MTTP: variants seen among roughly 807,000 people sequenced by gnomAD.
MTTP encodes microsomal triglyceride transfer protein large subunit.
MTTP carries 49 observed loss-of-function variants against 90.6 expected under a neutral mutation model. The observed-to-expected ratio is 0.54, with a 90% CI of 0.43 to 0.69. The LOEUF (loss-of-function observed/expected upper bound fraction) is 0.69, where lower values mean the gene tolerates loss of function less well. Ranked by LOEUF, MTTP falls within the 30% of genes least tolerant of loss-of-function variation. MTTP has a pLI of 0.00. For missense variants in MTTP, 945 were observed against 1,067.5 expected (o/e 0.89, Z 1.60); for synonymous variants, 347 against 384.2 (o/e 0.90, Z 1.13).
upstream of MTTP, among the ~76,000 whole-genome samples, chr4:99,572,112 G>A (rs1267547613): frequency 6.6e-6 from 1 of 151,602 alleles, no homozygotes; most frequent in East Asian, 1.9e-4. Flanking sequence ...AAACACAACT[G>A]TACTTTGGAA....
At chr4:99,577,622 AG>A (rs1175539580) in intron 1 of MTTP, among the ~76,000 whole-genome samples, 3,393 of 129,490 alleles carry the variant, frequency 0.026, 174 homozygotes, top group African/African-American at 0.091. Flanking sequence ...AAAAAAAAAA[AG>A]AAAGAAAAGA....
intron 1 of MTTP, among the ~76,000 whole-genome samples, chr4:99,576,862 A>G (rs185765299): frequency 6.6e-6 from 1 of 152,298 alleles, no homozygotes; most frequent in East Asian, 1.9e-4. Context: ...TGAAACATAT[A>G]TAATTTAGGG....
intron 12 of MTTP, 75 bp from the exon 13 acceptor site, chr4:99,611,068 T>C (rs1725937191): frequency 1.1e-5 from 17 of 1,521,032 alleles, no homozygotes; most frequent in Non-Finnish European, 1.4e-5. Context: ...ACTGAGGATT[T>C]TTTTTTTCCA....
intron 3 of MTTP, among the ~76,000 whole-genome samples, chr4:99,586,354 T>C (rs1310081498): frequency 6.6e-6 from 1 of 152,140 alleles, no homozygotes; most frequent in Non-Finnish European, 1.5e-5. Context: ...TGGATTCTTT[T>C]TTAGGCCTGA....
chr4:99,566,312 AAAG>A (rs1253828686), intron 1 of MTTP, among the ~76,000 whole-genome samples: 6 of 151,774 alleles, frequency 4.0e-5, no homozygotes, highest in African/African-American at 9.7e-5. Context: ...AAAAAAAAAA[AAAG>A]AAAAATAGGT....
chr4:99,589,820 C>T (rs904536635), intron 4 of MTTP, 70 bp downstream of exon 4: 37 of 1,070,996 alleles, frequency 3.5e-5, no homozygotes, highest in Non-Finnish European at 5.3e-5. Context: ...TATACAATTT[C>T]AGTAGAAGAG....
At chr4:99,580,511 G>A (rs779645227) in intron 1 of MTTP, among the ~76,000 whole-genome samples, 1 of 137,572 alleles carries the variant, frequency 7.3e-6, no homozygotes, top group Non-Finnish European at 1.5e-5. Flanking sequence ...GGAGATGGAG[G>A]TTGCAGTGAA....
Position 99,575,104 on chromosome 4 carries a change from CTT to C in MTTP, c.61+136_61+137del, listed in dbSNP as rs3833621. 0.14 allele frequency: 145,203 copies of C among 1,049,342 alleles called. 11,271 individuals carry two copies. The highest frequency in any genetic ancestry group is 0.26 in the South Asian group (19,226 of 74,492). 65.0% of individuals were successfully genotyped at this position (1,049,342 alleles called of 1,614,324 possible). ...CTAAACTATCTTCAAAACCATGTAA[CTT>C]TGGAATGTTTGTGAAAGCATGGCTG... On this transcript the variant is annotated intron_variant, in intron 1 of 17. Coordinates refer to ENST00000265517, the MANE Select transcript of MTTP (RefSeq NM_001386140.1).
intron 9 of MTTP, among the ~76,000 whole-genome samples, chr4:99,601,380 G>T (rs554547365): frequency 2.8e-5 from 4 of 143,770 alleles, no homozygotes; most frequent in Non-Finnish European, 4.6e-5. Context: ...AATTTCCAGG[G>T]TTAAGAATTC....
rs1725809314 is a variant in MTTP, at chr4:99,606,015, A to G, written c.1345-733A>G. ...TTTCAGCCTAGACTCTGTCATACAA[A>G]GAATCTTTATTTTAAACATGAAACT... On this transcript the variant is annotated intron_variant, in intron 10 of 17. Transcript: ENST00000265517. 2.0e-5 allele frequency among the ~76,000 whole-genome samples: 3 copies of G among 152,240 alleles called. No homozygotes were observed. The South Asian group carries it at 6.2e-4, about 32-fold the overall frequency.
At chr4:99,577,716 C>A (rs1282441365) in intron 1 of MTTP, among the ~76,000 whole-genome samples, 3 of 151,646 alleles carry the variant, frequency 2.0e-5, no homozygotes, top group Non-Finnish European at 4.4e-5. Context: ...GATAAAAGAG[C>A]ACATCTATAT....
At chr4:99,567,357 A>G (rs1333564631) in intron 1 of MTTP, among the ~76,000 whole-genome samples, 3 of 152,190 alleles carry the variant, frequency 2.0e-5, no homozygotes, top group Non-Finnish European at 4.4e-5. Context: ...TAAAACCTCA[A>G]AATATGAACA....
intron 15 of MTTP, among the ~76,000 whole-genome samples, chr4:99,616,815 C>G (rs776361081): frequency 6.6e-6 from 1 of 152,130 alleles, no homozygotes; most frequent in Non-Finnish European, 1.5e-5. Flanking sequence ...ACCCACCTTG[C>G]AATGGAAATG....
At chr4:99,617,554 C>T (rs1355011562) in intron 15 of MTTP, among the ~76,000 whole-genome samples, 1 of 152,130 alleles carries the variant, frequency 6.6e-6, no homozygotes, top group African/African-American at 2.4e-5. Context: ...AGTTAGTCAT[C>T]CTGCCGGTTG....
intron 3 of MTTP, among the ~76,000 whole-genome samples, chr4:99,588,328 C>A (rs1725306672): frequency 6.6e-6 from 1 of 151,986 alleles, no homozygotes; most frequent in Non-Finnish European, 1.5e-5. Context: ...TATCATAGAC[C>A]TTGGGAATTT....
intron 14 of MTTP, among the ~76,000 whole-genome samples, chr4:99,612,576 T>C (rs2110232822): frequency 6.6e-6 from 1 of 152,254 alleles, no homozygotes; most frequent in Non-Finnish European, 1.5e-5. Context: ...CATCATAAAA[T>C]AGAAAGCTCA....
intron 1 of MTTP, among the ~76,000 whole-genome samples, chr4:99,580,574 CAAAAAA>C (rs563138284): frequency 2.4e-3 from 97 of 39,886 alleles, no homozygotes; most frequent in Admixed American, 8.0e-3. Flanking sequence ...GACTCTGTCT[CAAAAAA>C]AAAAAAAAAA....
At chr4:99,609,375 T>G (rs756473279) in intron 12 of MTTP, among the ~76,000 whole-genome samples, 18 of 152,202 alleles carry the variant, frequency 1.2e-4, no homozygotes, top group Admixed American at 6.5e-5. Context: ...TTATCACAGA[T>G]CAAATAAATT....
At chr4:99,601,215 G>A (rs755935028) in intron 9 of MTTP, among the ~76,000 whole-genome samples, 2 of 151,910 alleles carry the variant, frequency 1.3e-5, no homozygotes, top group Non-Finnish European at 2.9e-5. Context: ...CTATGATCTA[G>A]TGGAATAGTT....
Sources: gnomAD v4.1 joint callset for allele counts (sites outside exome capture counted in the v4.1 genomes callset) on GRCh38, gnomAD v4.1.1 for gene constraint, MANE v1.5 for transcripts, NCBI Gene and HGNC (gene_info 2026-07-23, HGNC 2026-07-21) for gene names.